PCLO: variants seen among roughly 807,000 people sequenced by gnomAD.
The protein encoded by PCLO is protein piccolo.
PCLO carries 82 observed loss-of-function variants against 427.5 expected under a neutral mutation model. The observed-to-expected ratio is 0.19, with a 90% CI of 0.16 to 0.23. The LOEUF (loss-of-function observed/expected upper bound fraction) is 0.23, where lower values mean the gene tolerates loss of function less well. PCLO is among the 10% of genes least tolerant of loss of function. The pLI is 1.00. For missense variants in PCLO, 6,239 were observed against 6,115.9 expected (o/e 1.02, Z -0.67); for synonymous variants, 2,357 against 2,155.4 (o/e 1.09, Z -2.59).
intron 10 of PCLO, among the ~76,000 whole-genome samples, chr7:82,869,973 T>A (rs1793191342): frequency 6.6e-6 from 1 of 152,050 alleles, no homozygotes; most frequent in Non-Finnish European, 1.5e-5. Context: ...TTCATGTTCA[T>A]GGATTGAAAA....
At chr7:82,966,558 G>C in intron 3 of PCLO, 71 bp from the exon 4 acceptor site, 1 of 1,026,920 alleles carries the variant, frequency 9.7e-7, no homozygotes, top group Non-Finnish European at 1.3e-6. Context: ...TTTTACCAAA[G>C]TGAAAATTTG....
In PCLO at chr7:83,156,288, G is replaced by A. The variant is rs1792296979; in HGVS notation, c.353C>T (p.Thr118Ile). 1.2e-6 allele frequency: 2 copies of A among 1,613,304 alleles called. No homozygotes were observed. Among genetic ancestry groups the A allele is most frequent in the East Asian group, 4.5e-5 (2 of 44,836 alleles). The change falls in exon 2 of 25, where the codon ACT (threonine) becomes ATT (isoleucine). Residue 118 changes from threonine to isoleucine, a missense_variant. Around this residue, in one of 5 missense-constraint regions of PCLO, gnomAD observed 4,677 missense variants for 4,468.4 expected, o/e 1.05. Transcript: ENST00000333891. ...AGGCAATTTCTGCTCTGACCTGAAAGTGTCTGTAGTTCTACTTTTACTGAG... is the reference window on the plus strand; with the variant it reads ...AGGCAATTTCTGCTCTGACCTGAAAATGTCTGTAGTTCTACTTTTACTGAG... ...PGLSKSRTTD[T>I]FRSEQKLPGR...
rs557926414 is a variant in PCLO at position 83,079,698 on chromosome 7, A to G, written c.3300+54552T>C. On this transcript the variant is annotated intron_variant, in intron 3 of 24. Coordinates refer to ENST00000333891, the MANE Select transcript of PCLO (RefSeq NM_033026.6). ...CCAGATTAAATAAAATTACATAATG[A>G]AGAGAGGATTTTTTTATTTCAATAT... 4.0e-4 allele frequency among the ~76,000 whole-genome samples: 61 copies of G among 152,204 alleles called. 1 individual carries two copies. The highest frequency in any genetic ancestry group is 1.4e-3 in the African/African-American group (59 of 41,508).
At chr7:83,124,333 G>A (rs1270852152) in intron 3 of PCLO, among the ~76,000 whole-genome samples, 6 of 148,204 alleles carry the variant, frequency 4.0e-5, no homozygotes, top group South Asian at 2.2e-4. Flanking sequence ...CAGCCTGGGC[G>A]GAAGAGCGAG....
At chr7:83,046,856 T>C (rs1022043745) in intron 3 of PCLO, among the ~76,000 whole-genome samples, 13 of 151,946 alleles carry the variant, frequency 8.6e-5, no homozygotes, top group Non-Finnish European at 1.5e-4. Context: ...TTCATAAATA[T>C]GGAACATTAA....
At chr7:82,855,658 CAG>C (rs1792784062) in intron 10 of PCLO, among the ~76,000 whole-genome samples, 1 of 152,068 alleles carries the variant, frequency 6.6e-6, no homozygotes, top group South Asian at 2.1e-4. Flanking sequence ...GGTGAGTAAA[CAG>C]TGACAGAAAT....
chr7:82,874,701 T>C (rs17282114), intron 10 of PCLO, among the ~76,000 whole-genome samples: 34,310 of 152,074 alleles, frequency 0.23, 5,092 homozygotes, highest in Middle Eastern at 0.34. Flanking sequence ...GCTGGTTATA[T>C]TGAACTTAAA....
intron 3 of PCLO, among the ~76,000 whole-genome samples, chr7:83,065,498 TAAA>T (rs780514400): frequency 2.9e-5 from 3 of 104,138 alleles, no homozygotes; most frequent in Non-Finnish European, 2.1e-5. Context: ...GCTCAAAATG[TAAA>T]AAAAAAAAAA....
intron 3 of PCLO, among the ~76,000 whole-genome samples, chr7:83,084,073 C>T (rs12707543): frequency 0.49 from 74,243 of 151,820 alleles, 18,280 homozygotes; most frequent in African/African-American, 0.51. Context: ...AGGATCTCTT[C>T]CAAATGTCCA....
At chr7:82,771,566 G>C (rs1431622164) in intron 22 of PCLO, among the ~76,000 whole-genome samples, 2 of 151,922 alleles carry the variant, frequency 1.3e-5, no homozygotes, top group Non-Finnish European at 2.9e-5. Context: ...ATTATATCTT[G>C]TTTTTTAGCA....
intron 3 of PCLO, among the ~76,000 whole-genome samples, chr7:83,105,598 G>C (rs1001483568): frequency 6.6e-6 from 1 of 152,204 alleles, no homozygotes; most frequent in Non-Finnish European, 1.5e-5. Context: ...AGTGAACTTG[G>C]AGGGACACTA....
chr7:83,076,189 A>T (rs1241089330), intron 3 of PCLO, among the ~76,000 whole-genome samples: 1 of 151,742 alleles, frequency 6.6e-6, no homozygotes, highest in Non-Finnish European at 1.5e-5. Flanking sequence ...AATGTTTATA[A>T]ATCATTATAT....
intron 9 of PCLO, among the ~76,000 whole-genome samples, chr7:82,882,543 AAAAG>A (rs1209714425): frequency 1.3e-5 from 2 of 152,208 alleles, no homozygotes; most frequent in Non-Finnish European, 2.9e-5. Context: ...GCTTTACTAA[AAAAG>A]AAAGTCATAA....
At chr7:83,015,909 C>T (rs1389856893) in intron 3 of PCLO, among the ~76,000 whole-genome samples, 1 of 152,068 alleles carries the variant, frequency 6.6e-6, no homozygotes, top group African/African-American at 2.4e-5. Flanking sequence ...GAATAAAAAT[C>T]TTGTCCTTAA....
chr7:82,978,848 AC>A, intron 3 of PCLO, among the ~76,000 whole-genome samples: 1 of 92,920 alleles, frequency 1.1e-5, no homozygotes, highest in African/African-American at 4.5e-5. Flanking sequence ...ACACACACAC[AC>A]ACACACAAAC....
chr7:82,987,842 G>A (rs562904079), intron 3 of PCLO, among the ~76,000 whole-genome samples: 19 of 152,128 alleles, frequency 1.2e-4, no homozygotes, highest in Non-Finnish European at 2.1e-4. Flanking sequence ...TTCACAAATA[G>A]AATTGTTCTT....
rs553995863 is a variant in PCLO at position 82,974,155 on chromosome 7, G to C, written c.3301-7668C>G. ...TAATCCTAGCACTTTGGGAGACCGAGGTGGGTAGATCTCTTGAGGTCAGGA... is the reference window on the plus strand; with the variant it reads ...TAATCCTAGCACTTTGGGAGACCGACGTGGGTAGATCTCTTGAGGTCAGGA... On this transcript the variant is annotated intron_variant, in intron 3 of 24. Transcript: ENST00000333891. Among the ~76,000 whole-genome samples the C allele has an allele frequency of 5.3e-5, 8 of 152,268 alleles. No homozygotes were observed. The East Asian group carries it at 1.5e-3, about 29-fold the overall frequency.
At chr7:82,821,804 G>A in intron 20 of PCLO, 1 of 981,406 alleles carries the variant, frequency 1.0e-6, no homozygotes, top group Non-Finnish European at 1.2e-6. Context: ...AGGTTGCATT[G>A]CCTTATCACA....
At chr7:82,780,033 A>G (rs1024140674) in intron 22 of PCLO, among the ~76,000 whole-genome samples, 1 of 152,158 alleles carries the variant, frequency 6.6e-6, no homozygotes, top group East Asian at 1.9e-4. Context: ...ATTACTCCTT[A>G]CCATCCAGTT....
Sources: gnomAD v4.1 joint callset for allele counts (sites outside exome capture counted in the v4.1 genomes callset) on GRCh38, gnomAD v4.1.1 for gene constraint, gnomAD v4.1.1 regional missense constraint, MANE v1.5 for transcripts, NCBI Gene and HGNC (gene_info 2026-07-23, HGNC 2026-07-21) for gene names.